SHROOM3: variants seen among roughly 807,000 people sequenced by gnomAD.
The protein encoded by SHROOM3 is protein Shroom3.
Under a neutral mutation model 138.6 loss-of-function variants are expected in SHROOM3, and 47 were observed. That is an observed-to-expected ratio of 0.34 (90% CI 0.27 to 0.43). The LOEUF is 0.43. SHROOM3 is among the 20% of genes least tolerant of loss of function. SHROOM3 has a pLI of 1.00. For missense variants in SHROOM3, 2,491 were observed against 2,596.5 expected, an observed-to-expected ratio of 0.96 and a Z score of 0.88; for synonymous variants, 1,062 against 1,063.3, an observed-to-expected ratio of 1.00 and a Z score of 0.02.
chr4:76,710,536 AC>A (rs1392501889), intron 3 of SHROOM3, among the ~76,000 whole-genome samples: 2 of 152,216 alleles, frequency 1.3e-5, no homozygotes, highest in African/African-American at 4.8e-5. Context: ...CCAGGGTCCC[AC>A]AAATAGTTTG....
At chr4:76,551,948 G>A (rs945586414) in intron 1 of SHROOM3, among the ~76,000 whole-genome samples, 1 of 150,450 alleles carries the variant, frequency 6.6e-6, no homozygotes, top group Non-Finnish European at 1.5e-5. Context: ...TGCAAGCTCT[G>A]CCTCCTGGGT....
At chr4:76,774,379 T>C (rs1240217615) in intron 10 of SHROOM3, among the ~76,000 whole-genome samples, 2 of 152,152 alleles carry the variant, frequency 1.3e-5, no homozygotes, top group Non-Finnish European at 2.9e-5. Flanking sequence ...AAACTAAAAC[T>C]ATAAGTAGAA....
intron 2 of SHROOM3, chr4:76,644,270 G>A (rs1341392138): frequency 1.8e-5 from 1 of 56,528 alleles, no homozygotes; most frequent in South Asian, 5.0e-4. Flanking sequence ...TTTTTTTTTT[G>A]GCAGAGTTTT....
rs1051005511 is a variant in SHROOM3, at chr4:76,670,943, T to C, written c.324-39213T>C. ...GGCTGGGTGCAGAGTAAGACCCTGT[T>C]TCAAAAATAAATAAATAAATAAAAA... On this transcript the variant is annotated intron_variant, in intron 2 of 10. Transcript: ENST00000296043. Among the ~76,000 whole-genome samples, 116 of 151,998 alleles carry C rather than the reference T, an allele frequency of 7.6e-4. 1 individual carries two copies. The highest frequency in any genetic ancestry group is 2.0e-4 in the Admixed American group (3 of 15,252).
At chr4:76,466,039 G>T (rs1432962766) in intron 1 of SHROOM3, among the ~76,000 whole-genome samples, 1 of 152,182 alleles carries the variant, frequency 6.6e-6, no homozygotes, top group African/African-American at 2.4e-5. Context: ...TTACGTGTTT[G>T]TTGGTCTCTG....
intron 2 of SHROOM3, among the ~76,000 whole-genome samples, chr4:76,655,823 A>G (rs926535963): frequency 6.6e-6 from 1 of 152,176 alleles, no homozygotes; most frequent in Admixed American, 6.5e-5. Flanking sequence ...TGTCACTGGC[A>G]TTTATCTCTC....
chr4:76,759,446 A>G, intron 8 of SHROOM3, 99 bp from the exon 9 acceptor site: 2 of 1,467,282 alleles, frequency 1.4e-6, no homozygotes, highest in Non-Finnish European at 1.9e-6. Context: ...AAGAAATTAA[A>G]TAGAATTGTT....
chr4:76,438,093 G>A (rs543344664), intron 1 of SHROOM3, among the ~76,000 whole-genome samples: 187 of 152,288 alleles, frequency 1.2e-3, no homozygotes, highest in African/African-American at 4.3e-3. Context: ...CATTATTCTA[G>A]CAGACATGTG....
chr4:76,620,902 T>C (rs1193603754), intron 2 of SHROOM3, among the ~76,000 whole-genome samples: 1 of 151,650 alleles, frequency 6.6e-6, no homozygotes, highest in Non-Finnish European at 1.5e-5. Context: ...CAGAAGCAGA[T>C]GAAAGGATGA....
intron 8 of SHROOM3, among the ~76,000 whole-genome samples, chr4:76,759,189 T>A (rs529716202): frequency 2.0e-5 from 3 of 152,358 alleles, no homozygotes; most frequent in South Asian, 2.1e-4. Context: ...TCACATTGAT[T>A]GAGTCATGGT....
At position 76,754,577 on chromosome 4, in the gene SHROOM3, G is replaced by C. The variant is rs1721740648; in HGVS notation, c.4094G>C (p.Gly1365Ala). The C allele has an allele frequency of 6.2e-7, 1 of 1,614,024 alleles. No individual in the cohort carries two copies. The highest frequency in any genetic ancestry group is 1.3e-5 in the African/African-American group (1 of 75,006). Residue 1365 changes from glycine to alanine, a missense_variant, in exon 7 of 11, where the codon GGC (glycine) becomes GCC (alanine). By Grantham distance (60) the Gly-to-Ala change is moderately conservative. This residue lies in a region of SHROOM3 where 1,733 missense variants were observed against 1,661.6 expected (regional missense o/e 1.04). Transcript: ENST00000296043. ...CCTCTGCCTTCAGCCATTCCCTCTG[G>C]CTACTGCTCACAGGACGGTCAGACA... Reference protein sequence around the residue: ...GTPLPSAIPSGYCSQDGQTGR... With the variant: ...GTPLPSAIPSAYCSQDGQTGR...
At chr4:76,542,792 G>T (rs376930237) in intron 1 of SHROOM3, among the ~76,000 whole-genome samples, 1 of 152,196 alleles carries the variant, frequency 6.6e-6, no homozygotes, top group South Asian at 2.1e-4. Flanking sequence ...GCAGTGATTT[G>T]TTACAGCAAC....
At chr4:76,633,905 G>C (rs1401215365) in intron 2 of SHROOM3, among the ~76,000 whole-genome samples, 2 of 152,178 alleles carry the variant, frequency 1.3e-5, no homozygotes, top group African/African-American at 4.8e-5. Flanking sequence ...GAAAGGAAAA[G>C]CAGATGACAT....
chr4:76,599,394 T>C (rs964129391), intron 2 of SHROOM3, among the ~76,000 whole-genome samples: 1 of 152,148 alleles, frequency 6.6e-6, no homozygotes, highest in African/African-American at 2.4e-5. Context: ...CAAAATCCCC[T>C]GTAGTGGATA....
At position 76,718,499 on chromosome 4, in the gene SHROOM3, T is replaced by C. The variant is rs534511167; in HGVS notation, c.455+8212T>C. Among the ~76,000 whole-genome samples, 5 of 152,360 alleles carry C rather than the reference T, an allele frequency of 3.3e-5. No homozygotes were observed. In the East Asian group the frequency reaches 7.7e-4, roughly 23 times the overall value. The stretch of plus-strand genomic sequence containing the variant: ...AATGAAGTTTCTTTGCCAGTCTGAG[T>C]TGAAAATATAGATTCTTTTGAGCAT... On this transcript the variant is annotated intron_variant, in intron 3 of 10. Coordinates refer to ENST00000296043, the MANE Select transcript of SHROOM3 (RefSeq NM_020859.4).
Position 76,544,407 on chromosome 4 carries a change from C to CTT in SHROOM3, c.169-11176_169-11175dup, listed in dbSNP as rs58799466. ...AAAAAATTTTAAGATAGCTCAATGG[C>CTT]TTTTTTTTTTTTTTTTTTTTTTTTT... On this transcript the variant is annotated intron_variant, in intron 1 of 10. Coordinates refer to ENST00000296043, the MANE Select transcript of SHROOM3 (RefSeq NM_020859.4). 3.4e-3 allele frequency among the ~76,000 whole-genome samples: 260 copies of CTT among 75,872 alleles called. 44 individuals are homozygous for CTT. Among genetic ancestry groups the CTT allele is most frequent in the African/African-American group, 5.3e-3 (126 of 23,624 alleles). The allele number at this position is 75,872 out of a possible 152,430, so 49.8% of individuals were successfully genotyped here. A position where few individuals can be genotyped will look rare whatever the true frequency, so the allele number is the denominator to read the frequency against.
chr4:76,748,894 C>T (rs1010837811), intron 5 of SHROOM3, 123 bp from the exon 6 acceptor site: 28 of 774,774 alleles, frequency 3.6e-5, no homozygotes, highest in Middle Eastern at 4.7e-4. Flanking sequence ...AGTGCCACCA[C>T]GTGGCCTGAC....
At chr4:76,476,676 G>T (rs10212800) in intron 1 of SHROOM3, among the ~76,000 whole-genome samples, 7,823 of 152,128 alleles carry the variant, frequency 0.051, 246 homozygotes, top group African/African-American at 0.083. Flanking sequence ...TTATTTTTTG[G>T]TTACTAAAAC....
At chr4:76,708,335 T>TGGAAA (rs1176032886) in intron 2 of SHROOM3, among the ~76,000 whole-genome samples, 6 of 145,840 alleles carry the variant, frequency 4.1e-5, no homozygotes, top group Non-Finnish European at 1.5e-5. Context: ...GAAGGAGAAG[T>TGGAAA]GGAAAGGAAA....
Sources: gnomAD v4.1 joint callset for allele counts (sites outside exome capture counted in the v4.1 genomes callset) on GRCh38, gnomAD v4.1.1 for gene constraint, gnomAD v4.1.1 regional missense constraint, MANE v1.5 for transcripts, NCBI Gene and HGNC (gene_info 2026-07-23, HGNC 2026-07-21) for gene names.